The following ERCC3 variants were observed in gnomAD, a reference collection of about 807,000 sequenced individuals.
ERCC3 encodes ERCC excision repair 3, TFIIH core complex helicase subunit, also known as general transcription and DNA repair factor IIH helicase/translocase subunit XPB.
ERCC3 carries 66 observed loss-of-function variants against 94.2 expected under a neutral mutation model. That is an observed-to-expected ratio of 0.70 (90% CI 0.57 to 0.86). The LOEUF is 0.86. Among genes scored for constraint, ERCC3 ranks in the 40% least tolerant of loss-of-function variants. The pLI is 0.00. For missense variants in ERCC3, 829 were observed against 987.1 expected (o/e 0.84, Z 2.15); for synonymous variants, 349 against 369.1 (o/e 0.95, Z 0.63).
intron 13 of ERCC3, chr2:127,260,230 C>T (rs1054864285): frequency 6.5e-6 from 1 of 153,620 alleles, no homozygotes; most frequent in Admixed American, 6.5e-5. Context: ...ACAGGCAGCA[C>T]CGAAGACACA....
chr2:127,270,214 G>GGGGT (rs1401495989), intron 12 of ERCC3, among the ~76,000 whole-genome samples: 1 of 151,512 alleles, frequency 6.6e-6, no homozygotes, highest in Non-Finnish European at 1.5e-5. Flanking sequence ...TTGTAGAGAT[G>GGGGT]GGGTCTCACT....
At position 127,289,345 on chromosome 2, in the gene ERCC3, C is replaced by T; in HGVS notation, c.814G>A (p.Val272Ile). The T allele has an allele frequency of 6.2e-7, 1 of 1,613,850 alleles. No individual in the cohort carries two copies. The highest frequency in any genetic ancestry group is 8.5e-7 in the Non-Finnish European group (1 of 1,180,016). The part of the protein sequence containing the change: ...EEETQTVSFE[V>I]KQEMIEELQK... ...AAGGTACATTCACTAACCTGCTTGA[C>T]TTCAAAAGACACTGTCTGTGTCTCT... The change falls in exon 6 of 15, where the codon GTC becomes ATC. Residue 272 changes from valine to isoleucine, a missense_variant. Coordinates refer to ENST00000285398, the MANE Select transcript of ERCC3 (RefSeq NM_000122.2).
chr2:127,287,040 C>T (rs745618194), intron 7 of ERCC3, 23 bp from the exon 8 acceptor site: 11 of 1,588,456 alleles, frequency 6.9e-6, no homozygotes, highest in Middle Eastern at 1.7e-4. Flanking sequence ...AGAGTGCAAT[C>T]CCACCCAAGG....
Position 127,272,972 on chromosome 2 carries a change from A to G in ERCC3, c.1731-11T>C, listed in dbSNP as rs746754189. On this transcript the variant is annotated splice_polypyrimidine_tract_variant and intron_variant, in intron 10 of 14. Transcript: ENST00000285398. ...CCGTAGATATAGGGTCTAGAGAAGAATGAAGCTGTGTTAGACCACAGAATA... is the reference window on the plus strand; with the variant it reads ...CCGTAGATATAGGGTCTAGAGAAGAGTGAAGCTGTGTTAGACCACAGAATA... 1.7e-5 allele frequency: 26 copies of G among 1,544,162 alleles called. No individual in the cohort carries two copies. The highest frequency in any genetic ancestry group is 1.9e-5 in the Non-Finnish European group (21 of 1,116,416).
chr2:127,273,554 A>G (rs1164548616), intron 10 of ERCC3, among the ~76,000 whole-genome samples: 1 of 151,902 alleles, frequency 6.6e-6, no homozygotes, highest in Non-Finnish European at 1.5e-5. Flanking sequence ...ATTCACGACC[A>G]GCCTGACCAA....
At chr2:127,267,781 T>C (rs1558950375) in intron 12 of ERCC3, among the ~76,000 whole-genome samples, 1 of 152,230 alleles carries the variant, frequency 6.6e-6, no homozygotes, top group South Asian at 2.1e-4. Flanking sequence ...CAAGACTCTC[T>C]TGTAGGGCCA....
At chr2:127,269,371 A>G (rs1244764218) in intron 12 of ERCC3, among the ~76,000 whole-genome samples, 1 of 151,756 alleles carries the variant, frequency 6.6e-6, no homozygotes, top group East Asian at 1.9e-4. Flanking sequence ...AAAGGAGCCA[A>G]GTGTCATGTT....
At chr2:127,283,589 C>G (rs79412397) in intron 8 of ERCC3, among the ~76,000 whole-genome samples, 1 of 152,308 alleles carries the variant, frequency 6.6e-6, no homozygotes, top group East Asian at 1.9e-4. Context: ...CCAGGATACA[C>G]AGGAATGGGA....
intron 4 of ERCC3, 194 bp from the exon 5 acceptor site, chr2:127,290,018 G>A: frequency 2.5e-6 from 2 of 788,356 alleles, no homozygotes; most frequent in Non-Finnish European, 4.2e-6. Context: ...AGTAGGCAGG[G>A]GCCTGAGCCC....
chr2:127,269,416 AC>A (rs1337357724), intron 12 of ERCC3, among the ~76,000 whole-genome samples: 8 of 131,222 alleles, frequency 6.1e-5, no homozygotes, highest in South Asian at 5.0e-4. Flanking sequence ...AATTCTATTC[AC>A]TTTTTTTTTT....
chr2:127,269,081 G>A (rs1002719511), intron 12 of ERCC3, among the ~76,000 whole-genome samples: 6 of 152,206 alleles, frequency 3.9e-5, no homozygotes, highest in Non-Finnish European at 8.8e-5. Context: ...TCAGAATAGT[G>A]TGTAATTTAA....
intron 12 of ERCC3, chr2:127,262,742 T>G (rs763728128): frequency 6.6e-6 from 1 of 152,226 alleles, no homozygotes; most frequent in Non-Finnish European, 1.5e-5. Flanking sequence ...TGCACAACTT[T>G]GTGAATATTG....
In ERCC3 at chr2:127,271,186, A is replaced by G. The variant is rs1684535839; in HGVS notation, c.1945+150T>C. 2.7e-6 allele frequency: 2 copies of G among 734,976 alleles called. No individual in the cohort carries two copies. Among genetic ancestry groups the G allele is most frequent in the African/African-American group, 1.7e-5 (1 of 57,470 alleles). The allele number at this position is 734,976 out of a possible 1,614,324, so 45.5% of individuals were successfully genotyped here. ...AAGGTATGAGAAATAATGATGGGCC[A>G]TAAGGATCTAGGTCTTTGCTTTGGG... On this transcript the variant is annotated intron_variant, in intron 12 of 14. Coordinates refer to ENST00000285398, the MANE Select transcript of ERCC3 (RefSeq NM_000122.2). The surrounding 1 kb of genome is among the most constrained non-coding windows in gnomAD (Gnocchi z 5.0).
chr2:127,289,891 T>C, intron 4 of ERCC3, 67 bp from the exon 5 acceptor site: 2 of 1,544,698 alleles, frequency 1.3e-6, no homozygotes, highest in Middle Eastern at 1.7e-4. Flanking sequence ...CCACTGCTCA[T>C]TCAATTAGAT....
At chr2:127,276,691 C>CA (rs1007783446) in intron 10 of ERCC3, among the ~76,000 whole-genome samples, 20 of 151,882 alleles carry the variant, frequency 1.3e-4, no homozygotes, top group South Asian at 2.1e-4. Flanking sequence ...TGATTAACAA[C>CA]AAAAAAACAG....
In ERCC3 at chr2:127,259,730, C is replaced by T. The variant is rs1237940780; in HGVS notation, c.2065-282G>A. The T allele has an allele frequency of 4.4e-6, 2 of 455,244 alleles. No individual in the cohort carries two copies. Among genetic ancestry groups the T allele is most frequent in the African/African-American group, 2.0e-5 (1 of 50,182 alleles). The allele number at this position is 455,244 out of a possible 1,614,324, so 28.2% of individuals were successfully genotyped here. Reference sequence around the variant, plus strand: ...TAAATGATCATGTATGGAAGATCAACAGGAAGAATCTTAGTGATTTTAAAA... The same window carrying T: ...TAAATGATCATGTATGGAAGATCAATAGGAAGAATCTTAGTGATTTTAAAA... On this transcript the variant is annotated intron_variant, in intron 13 of 14. Coordinates refer to ENST00000285398, the MANE Select transcript of ERCC3 (RefSeq NM_000122.2). The surrounding 1 kb of genome is among the most constrained non-coding windows in gnomAD (Gnocchi z 4.9).
Position 127,257,822 on chromosome 2 carries a change from C to T in ERCC3, c.2218-95G>A. 1.5e-6 allele frequency: 2 copies of T among 1,374,448 alleles called. No individual in the cohort carries two copies. Among genetic ancestry groups the T allele is most frequent in the Non-Finnish European group, 2.1e-6 (2 of 975,352 alleles). The allele number at this position is 1,374,448 out of a possible 1,614,324, so 85.1% of individuals were successfully genotyped here. ...ATCACAGCAAATTTTATAAGACTTACATAAATTTAATACATCATTTTTAAT... is the reference window on the plus strand; with the variant it reads ...ATCACAGCAAATTTTATAAGACTTATATAAATTTAATACATCATTTTTAAT... On this transcript the variant is annotated intron_variant, in intron 14 of 14. Transcript: ENST00000285398. This position sits in a 1 kb window ranked among gnomAD's most constrained non-coding sequence, Gnocchi z 5.4.
intron 8 of ERCC3, chr2:127,281,072 T>C: frequency 2.4e-6 from 1 of 418,104 alleles, no homozygotes; most frequent in Non-Finnish European, 4.2e-6. Flanking sequence ...CAGTTATCAG[T>C]AGAAGTACAG....
At chr2:127,272,059 C>G (rs899352665) in intron 11 of ERCC3, among the ~76,000 whole-genome samples, 2 of 129,474 alleles carry the variant, frequency 1.5e-5, no homozygotes, top group African/African-American at 6.2e-5. Context: ...GCTCTTGTTG[C>G]CTAGGCTGGA....
Sources: allele counts gnomAD v4.1 joint callset (sites outside exome capture counted in the v4.1 genomes callset), GRCh38; gene constraint gnomAD v4.1.1; non-coding constraint Gnocchi (gnomAD v3.1); transcripts MANE v1.5; gene names NCBI Gene and HGNC (gene_info 2026-07-23, HGNC 2026-07-21).